The following HTT variants were observed in gnomAD, a reference collection of about 807,000 sequenced individuals.
The protein encoded by HTT is huntingtin, also known as huntington disease protein.
HTT carries 104 observed loss-of-function variants against 362.3 expected under a neutral mutation model. The observed-to-expected ratio is 0.29, with a 90% CI of 0.24 to 0.34. The LOEUF (loss-of-function observed/expected upper bound fraction) is 0.34. Ranked by LOEUF, HTT falls within the 10% of genes least tolerant of loss-of-function variation. HTT has a pLI of 1.00. For synonymous variants in HTT, 1,577 were observed against 1,548.7 expected (o/e 1.02, Z -0.43); for missense variants, 3,301 against 3,928.6 (o/e 0.84, Z 4.27).
At chr4:3,168,806 G>C (rs10034669) in intron 29 of HTT, among the ~76,000 whole-genome samples, 20,853 of 152,142 alleles carry the variant, frequency 0.14, 1,791 homozygotes, top group African/African-American at 0.25. Flanking sequence ...AGCCTTGGGA[G>C]GTTGAGGCTG....
intron 10 of HTT, 32 bp from the exon 11 acceptor site, chr4:3,125,517 A>T: frequency 6.7e-7 from 1 of 1,485,156 alleles, no homozygotes; most frequent in Non-Finnish European, 9.4e-7. Flanking sequence ...TTTTTAGCAA[A>T]CTAAAAGGAA....
intron 6 of HTT, among the ~76,000 whole-genome samples, chr4:3,110,584 TG>T (rs1714693638): frequency 6.6e-6 from 1 of 152,240 alleles, no homozygotes; most frequent in Non-Finnish European, 1.5e-5. Context: ...GGAAATTGTA[TG>T]AGGTTTTGCA....
At chr4:3,104,346 ATGCCT>A (rs1029001964) in intron 4 of HTT, among the ~76,000 whole-genome samples, 1 of 151,762 alleles carries the variant, frequency 6.6e-6, no homozygotes, top group Non-Finnish European at 1.5e-5. Context: ...ACAGTGGCTC[ATGCCT>A]GTAATCCCAG....
intron 28 of HTT, among the ~76,000 whole-genome samples, chr4:3,157,408 A>T (rs1031151253): frequency 6.6e-6 from 1 of 152,182 alleles, no homozygotes; most frequent in Non-Finnish European, 1.5e-5. Context: ...TTGTACTCAC[A>T]GCTAAGATTG....
intron 1 of HTT, among the ~76,000 whole-genome samples, chr4:3,083,530 T>TACACACACAC (rs56210756): frequency 8.0e-6 from 1 of 125,126 alleles, no homozygotes. Flanking sequence ...TCTCTAAATA[T>TACACACACAC]ACACACACAC....
In HTT at chr4:3,222,589, C is replaced by G. The variant is rs549063995; in HGVS notation, c.7470+102C>G. The stretch of plus-strand genomic sequence containing the variant: ...GGCAGCAAGCTGGTGTTCTTTTTTT[C>G]TCTTACCTTATTTTTGAAAGAGTAG... On this transcript the variant is annotated intron_variant, in intron 54 of 66. Transcript: ENST00000355072. 10 of 816,688 alleles carry G rather than the reference C, an allele frequency of 1.2e-5. No individual in the cohort carries two copies. The South Asian group carries it at 1.6e-4, about 13-fold the overall frequency. The allele number at this position is 816,688 out of a possible 1,614,324, so 50.6% of individuals were successfully genotyped here. A position where few individuals can be genotyped will look rare whatever the true frequency, so the allele number is the denominator to read the frequency against.
At position 3,204,278 on chromosome 4, in the gene HTT, A is replaced by T. The variant is rs979235929; in HGVS notation, c.5718+130A>T. Reference sequence around the variant, plus strand: ...TGTCCTGCCAAGCTCCATCGAAACTAAATCTAGAATGAATGTTTACTTCTG... The same window carrying T: ...TGTCCTGCCAAGCTCCATCGAAACTTAATCTAGAATGAATGTTTACTTCTG... On this transcript the variant is annotated intron_variant, in intron 42 of 66. Transcript: ENST00000355072. 1.1e-5 allele frequency: 9 copies of T among 814,572 alleles called. No individual in the cohort carries two copies. The African/African-American group carries it at 1.5e-4, about 14-fold the overall frequency. 50.5% of individuals were successfully genotyped at this position (814,572 alleles called of 1,614,324 possible).
chr4:3,156,428 T>G (rs56104153), intron 27 of HTT, among the ~76,000 whole-genome samples: 1,872 of 152,312 alleles, frequency 0.012, 30 homozygotes, highest in South Asian at 0.019. Flanking sequence ...CCTCAAGCGT[T>G]TTAAAAGATG....
intron 29 of HTT, among the ~76,000 whole-genome samples, chr4:3,165,014 C>T (rs1400817148): frequency 2.6e-5 from 4 of 152,262 alleles, no homozygotes; most frequent in South Asian, 2.1e-4. Context: ...TTCTTCATAG[C>T]GTCAGTAGTC....
At chr4:3,215,633 A>T in intron 51 of HTT, among the ~76,000 whole-genome samples, 1 of 152,058 alleles carries the variant, frequency 6.6e-6, no homozygotes. Flanking sequence ...TGTTTCCCAC[A>T]TGAGTATTCA....
intron 1 of HTT, among the ~76,000 whole-genome samples, chr4:3,082,675 A>T (rs1393644880): frequency 6.6e-6 from 1 of 152,190 alleles, no homozygotes; most frequent in African/African-American, 2.4e-5. Context: ...GTAGGTGCTT[A>T]GACCTTACCT....
At chr4:3,089,634 T>G (rs972934796) in intron 2 of HTT, among the ~76,000 whole-genome samples, 26 of 152,228 alleles carry the variant, frequency 1.7e-4, no homozygotes, top group African/African-American at 6.0e-4. Context: ...CATCCAGGTC[T>G]CAGAGAACAT....
At chr4:3,200,801 G>A (rs1434161319) in intron 41 of HTT, among the ~76,000 whole-genome samples, 2 of 152,194 alleles carry the variant, frequency 1.3e-5, no homozygotes, top group Non-Finnish European at 1.5e-5. Context: ...GACCAGTGAC[G>A]ACATTTGAAA....
Position 3,180,618 on chromosome 4 carries a change from G to A in HTT, c.4716G>A (p.Val1572=), listed in dbSNP as rs1464340008. The change falls in exon 36 of 67, where the codon GTG becomes GTA. Residue 1572 remains valine (V), a synonymous_variant. Transcript: ENST00000355072. ...KELETQKEVV[V]SMLLRLIQYH... is the part of the protein sequence containing the mutation. ...TTGAAACCCAAAAAGAGGTGGTGGTGTCAATGTTACTGAGACTCATCCAGT... is the reference window on the plus strand; with the variant it reads ...TTGAAACCCAAAAAGAGGTGGTGGTATCAATGTTACTGAGACTCATCCAGT... The A allele has an allele frequency of 3.1e-6, 5 of 1,613,588 alleles. No homozygotes were observed. The highest frequency in any genetic ancestry group is 2.2e-5 in the East Asian group (1 of 44,868).
intron 6 of HTT, among the ~76,000 whole-genome samples, chr4:3,113,331 A>AT (rs796321767): frequency 0.014 from 2,098 of 147,544 alleles, 37 homozygotes; most frequent in African/African-American, 0.045. Context: ...TCATACAATG[A>AT]TTTTTTTTTT....
intron 33 of HTT, 101 bp from the exon 34 acceptor site, chr4:3,177,231 A>G (rs371664416): frequency 3.8e-6 from 3 of 786,796 alleles, no homozygotes; most frequent in Non-Finnish European, 6.4e-6. Flanking sequence ...AGCTGTCAAG[A>G]ATTTTATTTA....
intron 1 of HTT, among the ~76,000 whole-genome samples, chr4:3,079,247 C>CT (rs4038027): frequency 0.045 from 5,108 of 113,698 alleles, 202 homozygotes; most frequent in African/African-American, 0.11. Flanking sequence ...GAGAAGACAG[C>CT]TTTTTTTTTT....
intron 22 of HTT, among the ~76,000 whole-genome samples, chr4:3,142,105 CT>C (rs1258378392): frequency 2.0e-5 from 3 of 152,214 alleles, no homozygotes; most frequent in African/African-American, 7.2e-5. Context: ...GACAATTCAG[CT>C]GTGGTCAATT....
chr4:3,093,338 G>A (rs924081274), intron 2 of HTT, among the ~76,000 whole-genome samples: 2 of 152,130 alleles, frequency 1.3e-5, no homozygotes, highest in African/African-American at 2.4e-5. Flanking sequence ...ACTAAGTTTC[G>A]TTACTCTGAC....
Sources: allele counts gnomAD v4.1 joint callset (sites outside exome capture counted in the v4.1 genomes callset), GRCh38; gene constraint gnomAD v4.1.1; transcripts MANE v1.5; gene names NCBI Gene and HGNC (gene_info 2026-07-23, HGNC 2026-07-21).